The following DLGAP2 variants were observed in gnomAD, a reference collection of about 807,000 sequenced individuals.
DLGAP2 encodes the protein DLG associated protein 2.
A neutral mutation model predicts 100.3 loss-of-function variants in DLGAP2; 26 were observed. The ratio of observed to expected loss-of-function variants is 0.26; its 90% CI spans 0.19 to 0.36. DLGAP2 has a LOEUF of 0.36. DLGAP2 is among the 10% of genes least tolerant of loss of function. The probability of loss-of-function intolerance (pLI) is 1.00; values close to 1 mark genes in which losing one functional copy is unlikely to be tolerated. For synonymous variants in DLGAP2, 886 were observed against 630.1 expected, an observed-to-expected ratio of 1.41 and a Z score of -6.08; for missense variants, 1,858 against 1,453.2, an observed-to-expected ratio of 1.28 and a Z score of -4.53.
At chr8:1,149,981 A>G (rs1454455374) in intron 2 of DLGAP2, among the ~76,000 whole-genome samples, 1 of 152,200 alleles carries the variant, frequency 6.6e-6, no homozygotes, top group Non-Finnish European at 1.5e-5. Context: ...CGAATTCTGT[A>G]TGTATGTTTA....
chr8:1,163,409 C>G (rs1189170773), intron 2 of DLGAP2, among the ~76,000 whole-genome samples: 1 of 152,198 alleles, frequency 6.6e-6, no homozygotes, highest in African/African-American at 2.4e-5. Context: ...CGGCCCCACG[C>G]TGGGCGAGGG....
intron 5 of DLGAP2, among the ~76,000 whole-genome samples, chr8:1,560,813 G>A (rs1584927810): frequency 6.6e-6 from 1 of 152,356 alleles, no homozygotes; most frequent in East Asian, 1.9e-4. Flanking sequence ...ATGTACACCT[G>A]TTTTCTTAAC....
chr8:1,532,076 G>T (rs1801005659), intron 4 of DLGAP2, among the ~76,000 whole-genome samples: 1 of 152,196 alleles, frequency 6.6e-6, no homozygotes, highest in Non-Finnish European at 1.5e-5. Context: ...TTGAGTTTCT[G>T]ATAAGCCCTT....
intron 2 of DLGAP2, among the ~76,000 whole-genome samples, chr8:1,127,554 C>A (rs1417565913): frequency 6.6e-6 from 1 of 152,186 alleles, no homozygotes; most frequent in Non-Finnish European, 1.5e-5. Context: ...GGCTGACCCT[C>A]CTGCATCCGA....
rs149736442 is a variant in DLGAP2 at position 1,391,416 on chromosome 8, C to T, written c.107-109950C>T. Among the ~76,000 whole-genome samples the T allele has an allele frequency of 2.1e-4, 32 of 152,270 alleles. 1 individual carries two copies. Among genetic ancestry groups the T allele is most frequent in the African/African-American group, 7.7e-4 (32 of 41,540 alleles). On this transcript the variant is annotated intron_variant, in intron 3 of 14. Transcript: ENST00000637795. Reference sequence around the variant, plus strand: ...GAGGCACGCGGCTTATCCAGGGACACCAGGCTGTGGCTGCAAATGGGATGT... The same window carrying T: ...GAGGCACGCGGCTTATCCAGGGACATCAGGCTGTGGCTGCAAATGGGATGT...
chr8:1,178,117 T>G (rs913274414), intron 2 of DLGAP2, among the ~76,000 whole-genome samples: 7 of 152,094 alleles, frequency 4.6e-5, no homozygotes, highest in African/African-American at 1.7e-4. Flanking sequence ...TACCCCAGAA[T>G]CCAAGGCCTT....
chr8:1,505,413 A>G lies in DLGAP2; in HGVS notation c.172+3982A>G, dbSNP rs60057106. Among the ~76,000 whole-genome samples, 18 of 152,248 alleles carry G rather than the reference A, an allele frequency of 1.2e-4. 1 individual carries two copies. The highest frequency in any genetic ancestry group is 2.5e-4 in the Non-Finnish European group (17 of 68,044). ...TTTTTTCCAACTCCCCTCAGTCTTC[A>G]AAAGCTCCAAGGAAAGCTGAGTAGC... On this transcript the variant is annotated intron_variant, in intron 4 of 14. Transcript: ENST00000637795.
intron 1 of DLGAP2, among the ~76,000 whole-genome samples, chr8:770,463 G>C (rs945877063): frequency 1.3e-5 from 2 of 152,176 alleles, no homozygotes; most frequent in African/African-American, 4.8e-5. Flanking sequence ...TGAATTTTGA[G>C]ACTGAAGATA....
At chr8:1,479,884 A>T (rs990958540) in intron 3 of DLGAP2, among the ~76,000 whole-genome samples, 1 of 152,158 alleles carries the variant, frequency 6.6e-6, no homozygotes, top group African/African-American at 2.4e-5. Context: ...ATGATTATTT[A>T]CCCCGGTGGG....
chr8:795,921 G>C (rs1796022273), intron 1 of DLGAP2, among the ~76,000 whole-genome samples: 2 of 121,966 alleles, frequency 1.6e-5, no homozygotes, highest in African/African-American at 2.9e-5. Context: ...GTGAGAACAG[G>C]CGTCCAGTGA....
At chr8:1,272,897 T>C (rs187165727) in intron 3 of DLGAP2, among the ~76,000 whole-genome samples, 43 of 152,286 alleles carry the variant, frequency 2.8e-4, no homozygotes, top group Non-Finnish European at 4.7e-4. Context: ...CATCAGATTT[T>C]CATGGAGATT....
At chr8:1,467,220 G>A (rs989116403) in intron 3 of DLGAP2, among the ~76,000 whole-genome samples, 2 of 152,086 alleles carry the variant, frequency 1.3e-5, no homozygotes, top group African/African-American at 4.8e-5. Flanking sequence ...TGGCTTCTCT[G>A]TTGGATGTCA....
intron 6 of DLGAP2, among the ~76,000 whole-genome samples, chr8:1,599,249 C>G (rs965758990): frequency 1.3e-5 from 2 of 152,086 alleles, no homozygotes; most frequent in East Asian, 1.9e-4. Context: ...GATTTCCATC[C>G]TTTTGCATTT....
chr8:1,624,536 T>G (rs1196694991), intron 6 of DLGAP2, among the ~76,000 whole-genome samples: 1 of 151,744 alleles, frequency 6.6e-6, no homozygotes, highest in Non-Finnish European at 1.5e-5. Flanking sequence ...CTGAAACTTG[T>G]GACCGTGTCT....
At chr8:1,663,584 C>T (rs990953726) in intron 8 of DLGAP2, among the ~76,000 whole-genome samples, 8 of 152,114 alleles carry the variant, frequency 5.3e-5, no homozygotes, top group African/African-American at 1.9e-4. Context: ...ATTTCCCTGT[C>T]CACAGATTTT....
intron 3 of DLGAP2, among the ~76,000 whole-genome samples, chr8:1,477,781 T>A (rs990325934): frequency 3.6e-5 from 5 of 139,722 alleles, no homozygotes; most frequent in Non-Finnish European, 7.6e-5. Context: ...TGGCCTAGAA[T>A]AATTGAAAGG....
At chr8:1,417,586 A>G (rs979941578) in intron 3 of DLGAP2, among the ~76,000 whole-genome samples, 3 of 113,460 alleles carry the variant, frequency 2.6e-5, no homozygotes, top group African/African-American at 3.9e-5. Flanking sequence ...GAAAATGCGG[A>G]CAGATAAATA....
chr8:1,569,384 C>T (rs1802562633), intron 6 of DLGAP2, among the ~76,000 whole-genome samples: 1 of 152,220 alleles, frequency 6.6e-6, no homozygotes, highest in South Asian at 2.1e-4. Context: ...GCAGAGAAAG[C>T]AGCCATGTGA....
chr8:1,135,567 T>C (rs930108969), intron 2 of DLGAP2, among the ~76,000 whole-genome samples: 8 of 120,402 alleles, frequency 6.6e-5, no homozygotes, highest in African/African-American at 2.1e-4. Context: ...AAAAGGGGCA[T>C]GCGGTCTTTC....
Sources: allele counts gnomAD v4.1 joint callset (sites outside exome capture counted in the v4.1 genomes callset), GRCh38; gene constraint gnomAD v4.1.1; transcripts MANE v1.5; gene names NCBI Gene and HGNC (gene_info 2026-07-23, HGNC 2026-07-21).